TNNI3K: variants seen among roughly 807,000 people sequenced by gnomAD.
TNNI3K encodes the protein TNNI3 interacting kinase.
Under a neutral mutation model 114.5 loss-of-function variants are expected in TNNI3K, and 140 were observed. The observed-to-expected ratio is 1.22, with a 90% CI of 1.07 to 1.41. The LOEUF (loss-of-function observed/expected upper bound fraction) is 1.41. TNNI3K is among the 40% of genes most tolerant of loss of function. The pLI is 0.00. For synonymous variants in TNNI3K, 347 were observed against 347.5 expected (o/e 1.00, Z 0.02); for missense variants, 1,125 against 1,007.6 (o/e 1.12, Z -1.58).
chr1:74,304,401 T>G (rs1050353089), intron 5 of TNNI3K, among the ~76,000 whole-genome samples: 8 of 152,144 alleles, frequency 5.3e-5, no homozygotes, highest in Non-Finnish European at 1.0e-4. Flanking sequence ...ACTAGGATGA[T>G]GGTTAGCATT....
rs1646388103 is a variant in TNNI3K at position 74,518,873 on chromosome 1, C to CTTTTTTTTTTTTTT, written c.2352-21361_2352-21360insTTTTTTTTTTTTTT. Reference sequence around the variant, plus strand: ...TTTTATTTTATTTTATTTTTTTTCCCCTTTTTTTTTTTTTTTTTTTTATTA... The same window carrying CTTTTTTTTTTTTTT: ...TTTTATTTTATTTTATTTTTTTTCCCTTTTTTTTTTTTTTCTTTTTTTTTTTTTTTTTTTTATTA... On this transcript the variant is annotated intron_variant, in intron 23 of 24. Transcript: ENST00000326637. 1.7e-4 allele frequency among the ~76,000 whole-genome samples: 17 copies of CTTTTTTTTTTTTTT among 100,358 alleles called. 1 individual carries two copies. Among genetic ancestry groups the CTTTTTTTTTTTTTT allele is most frequent in the Admixed American group, 4.2e-4 (4 of 9,610 alleles). The allele number at this position is 100,358 out of a possible 152,430, so 65.8% of individuals were successfully genotyped here.
At chr1:74,395,942 C>A (rs1246196532) in intron 17 of TNNI3K, among the ~76,000 whole-genome samples, 1 of 152,178 alleles carries the variant, frequency 6.6e-6, no homozygotes, top group Non-Finnish European at 1.5e-5. Context: ...AAGTTTGGCT[C>A]AGATGAGGAT....
At chr1:74,403,292 T>G (rs1664460750) in intron 17 of TNNI3K, among the ~76,000 whole-genome samples, 1 of 152,130 alleles carries the variant, frequency 6.6e-6, no homozygotes, top group Non-Finnish European at 1.5e-5. Context: ...TCAGAAGTAG[T>G]TTTCATCTGT....
At chr1:74,505,255 AGG>A in intron 23 of TNNI3K, among the ~76,000 whole-genome samples, 1 of 152,328 alleles carries the variant, frequency 6.6e-6, no homozygotes, top group African/African-American at 2.4e-5. Flanking sequence ...GGACAAGCAC[AGG>A]GACCAAAGAG....
chr1:74,501,425 A>T (rs1669618617), intron 23 of TNNI3K, among the ~76,000 whole-genome samples: 1 of 152,176 alleles, frequency 6.6e-6, no homozygotes, highest in South Asian at 2.1e-4. Context: ...GGAGACATTA[A>T]TACCTCAAGA....
At chr1:74,269,353 T>C (rs1296462938) in intron 4 of TNNI3K, among the ~76,000 whole-genome samples, 2 of 151,856 alleles carry the variant, frequency 1.3e-5, no homozygotes, top group Non-Finnish European at 2.9e-5. Context: ...TCACCACTGC[T>C]CAGAAAAGAG....
chr1:74,419,839 C>G (rs72969816), intron 17 of TNNI3K, among the ~76,000 whole-genome samples: 3,231 of 152,122 alleles, frequency 0.021, 101 homozygotes, highest in African/African-American at 0.074. Flanking sequence ...ATGCATTAAA[C>G]ACACATCTCT....
intron 4 of TNNI3K, among the ~76,000 whole-genome samples, chr1:74,262,081 A>G (rs1021985637): frequency 6.6e-6 from 1 of 151,934 alleles, no homozygotes; most frequent in Admixed American, 6.6e-5. Context: ...TCCTTAGCAC[A>G]TATATTTGAT....
At chr1:74,254,819 T>C (rs1397958631) in intron 4 of TNNI3K, among the ~76,000 whole-genome samples, 6 of 152,202 alleles carry the variant, frequency 3.9e-5, no homozygotes, top group Non-Finnish European at 7.4e-5. Context: ...AGCTACTCCA[T>C]AGACAGGGTA....
intron 17 of TNNI3K, among the ~76,000 whole-genome samples, chr1:74,392,955 C>T (rs1663869498): frequency 6.6e-6 from 1 of 152,302 alleles, no homozygotes; most frequent in East Asian, 1.9e-4. Context: ...TCTGCCTAAA[C>T]ACAAGCCACT....
At chr1:74,509,756 T>C (rs1292849796) in intron 23 of TNNI3K, among the ~76,000 whole-genome samples, 3 of 126,906 alleles carry the variant, frequency 2.4e-5, no homozygotes, top group Non-Finnish European at 3.4e-5. Context: ...TCTTTTTTTT[T>C]TTTTTTTTTT....
At chr1:74,264,108 A>T (rs1487556832) in intron 4 of TNNI3K, among the ~76,000 whole-genome samples, 1 of 151,902 alleles carries the variant, frequency 6.6e-6, no homozygotes, top group Non-Finnish European at 1.5e-5. Context: ...GAGGGGAAAA[A>T]ATAGGTCCAA....
At position 74,378,302 on chromosome 1, in the gene TNNI3K, A is replaced by G. The variant is rs894038227; in HGVS notation, c.1772+7910A>G. Among the ~76,000 whole-genome samples the G allele has an allele frequency of 2.0e-5, 3 of 151,948 alleles. No individual in the cohort carries two copies. In the South Asian group the frequency reaches 6.2e-4, roughly 31 times the overall value. On this transcript the variant is annotated intron_variant, in intron 17 of 24. Transcript: ENST00000326637. ...GCTATATAATTTATTAATATTTACAATATGAAATTCAGATTAGTTAGGGTA... is the reference window on the plus strand; with the variant it reads ...GCTATATAATTTATTAATATTTACAGTATGAAATTCAGATTAGTTAGGGTA...
chr1:74,335,938 T>TA, intron 6 of TNNI3K, 73 bp from the exon 7 acceptor site: 1 of 1,478,440 alleles, frequency 6.8e-7, no homozygotes, highest in Non-Finnish European at 8.9e-7. Context: ...CCAGTTGTGT[T>TA]CTTGTATACT....
At chr1:74,412,702 C>T (rs1213652307) in intron 17 of TNNI3K, among the ~76,000 whole-genome samples, 1 of 152,128 alleles carries the variant, frequency 6.6e-6, no homozygotes, top group African/African-American at 2.4e-5. Context: ...GGAACCTCCC[C>T]CTCCAGGGTT....
chr1:74,416,702 C>A, intron 17 of TNNI3K: 1 of 451,858 alleles, frequency 2.2e-6, no homozygotes, highest in Non-Finnish European at 2.9e-6. Flanking sequence ...TCTTCTTTTT[C>A]AAGAATAATT....
At chr1:74,289,126 G>T (rs1657509666) in intron 5 of TNNI3K, among the ~76,000 whole-genome samples, 1 of 151,792 alleles carries the variant, frequency 6.6e-6, no homozygotes, top group Non-Finnish European at 1.5e-5. Flanking sequence ...ATCCAAAGAA[G>T]CAGCTAAATT....
At chr1:74,343,290 G>A in intron 9 of TNNI3K, 111 bp downstream of exon 9, 1 of 1,189,300 alleles carries the variant, frequency 8.4e-7, no homozygotes, top group Non-Finnish European at 1.2e-6. Flanking sequence ...CAATCAGAGA[G>A]CAATAGCAGA....
chr1:74,521,585 CT>C (rs1490126982), intron 23 of TNNI3K, among the ~76,000 whole-genome samples: 1 of 150,140 alleles, frequency 6.7e-6, no homozygotes, highest in Non-Finnish European at 1.5e-5. Flanking sequence ...TCCATAAAGC[CT>C]TTTTCTGCGT....
Sources: allele counts gnomAD v4.1 joint callset (sites outside exome capture counted in the v4.1 genomes callset), GRCh38; gene constraint gnomAD v4.1.1; transcripts MANE v1.5; gene names NCBI Gene and HGNC (gene_info 2026-07-23, HGNC 2026-07-21).